The following ZUP1 variants were observed in gnomAD, a reference collection of about 807,000 sequenced individuals.
ZUP1 encodes zinc finger-containing ubiquitin peptidase 1.
ZUP1 carries 55 observed loss-of-function variants against 68.1 expected under a neutral mutation model. The ratio of observed to expected loss-of-function variants is 0.81; its 90% CI spans 0.65 to 1.01. The LOEUF (loss-of-function observed/expected upper bound fraction) is 1.01. ZUP1 is among the 50% of genes least tolerant of loss of function. ZUP1 has a pLI of 0.00. For synonymous variants in ZUP1, 223 were observed against 221.5 expected (o/e 1.01, Z -0.06); for missense variants, 684 against 674.9 (o/e 1.01, Z -0.15).
chr6:116,668,110 G>C (rs1055892043), intron 1 of ZUP1, among the ~76,000 whole-genome samples: 1 of 152,174 alleles, frequency 6.6e-6, no homozygotes, highest in Admixed American at 6.5e-5. Context: ...AACAGGAAAA[G>C]TAATGACACT....
In ZUP1 at chr6:116,666,909, C is replaced by A. The variant is rs1777027796; in HGVS notation, c.284G>T (p.Cys95Phe). The A allele has an allele frequency of 1.2e-6, 2 of 1,612,080 alleles. No homozygotes were observed. The highest frequency in any genetic ancestry group is 1.7e-6 in the Non-Finnish European group (2 of 1,179,462). ...MEVNSSILSG[C>F]ASNHPKNSAQ... is the part of the protein sequence containing the mutation. ...TGAATTTTTTGGATGATTAGATGCA[C>A]AACCTGAAAGAATACTTGAATTAAC... The change falls in exon 2 of 10, where the codon TGT (cysteine) becomes TTT (phenylalanine). Residue 95 changes from cysteine to phenylalanine, a missense_variant. Transcript: ENST00000368576.
At chr6:116,661,992 G>C (rs1327109337) in intron 2 of ZUP1, among the ~76,000 whole-genome samples, 3 of 151,940 alleles carry the variant, frequency 2.0e-5, no homozygotes, top group African/African-American at 7.3e-5. Context: ...ATAAAGGAGG[G>C]AACTGAATCT....
chr6:116,654,023 T>C (rs1776590687), intron 5 of ZUP1, among the ~76,000 whole-genome samples: 1 of 152,012 alleles, frequency 6.6e-6, no homozygotes, highest in Admixed American at 6.6e-5. Flanking sequence ...ACTCTTTAAA[T>C]GATAGCTGCT....
intron 9 of ZUP1, among the ~76,000 whole-genome samples, chr6:116,638,147 A>C: frequency 6.6e-6 from 1 of 152,116 alleles, no homozygotes; most frequent in Non-Finnish European, 1.5e-5. Context: ...TTATTTCAAA[A>C]ACTTACAGTC....
At chr6:116,667,822 A>C (rs1006213005) in intron 1 of ZUP1, among the ~76,000 whole-genome samples, 1 of 152,184 alleles carries the variant, frequency 6.6e-6, no homozygotes, top group African/African-American at 2.4e-5. Context: ...CCAAGAATAA[A>C]AGCAGAAGTG....
chr6:116,656,892 C>T (rs776155142), intron 4 of ZUP1, 40 bp from the exon 5 acceptor site: 15 of 1,362,752 alleles, frequency 1.1e-5, no homozygotes, highest in Non-Finnish European at 1.2e-5. Context: ...TTTTACATCC[C>T]TGTAACTCTA....
rs778561259 is a variant in ZUP1 at position 116,656,669 on chromosome 6, T to C, written c.961+15A>G. ...AGCAATATTAAAACAATGACTCTGA[T>C]GTTTAAATACTCACCGGAAGTTTTT... On this transcript the variant is annotated intron_variant, in intron 5 of 9. Transcript: ENST00000368576. 1.3e-6 allele frequency: 2 copies of C among 1,596,142 alleles called. No homozygotes were observed. The highest frequency in any genetic ancestry group is 1.7e-6 in the Non-Finnish European group (2 of 1,173,236).
chr6:116,644,148 C>G (rs1227670495), intron 9 of ZUP1, among the ~76,000 whole-genome samples: 1 of 152,188 alleles, frequency 6.6e-6, no homozygotes, highest in Admixed American at 6.5e-5. Flanking sequence ...GATACCATCT[C>G]ACACCAGTTA....
intron 9 of ZUP1, among the ~76,000 whole-genome samples, chr6:116,642,981 C>G (rs1776167800): frequency 6.6e-6 from 1 of 152,200 alleles, no homozygotes; most frequent in Non-Finnish European, 1.5e-5. Context: ...TAAGCAACTT[C>G]AGCAAAGTCT....
intron 9 of ZUP1, among the ~76,000 whole-genome samples, chr6:116,640,292 A>G (rs909298383): frequency 1.8e-4 from 28 of 152,234 alleles, no homozygotes. Flanking sequence ...GAACTTCCCC[A>G]ATCTAGCAAG....
Position 116,650,890 on chromosome 6 carries a change from G to T in ZUP1, c.1316+682C>A, listed in dbSNP as rs1460336280. Among the ~76,000 whole-genome samples the T allele has an allele frequency of 2.0e-5, 3 of 151,346 alleles. No individual in the cohort carries two copies. In the East Asian group the frequency reaches 5.8e-4, roughly 29 times the overall value. ...AATAACTTCCACAGAAAATAAATAG[G>T]TTATACATTTTAAAAATGAGACTAC... On this transcript the variant is annotated intron_variant, in intron 7 of 9. Transcript: ENST00000368576.
chr6:116,637,723 T>C (rs1223721133), intron 9 of ZUP1, among the ~76,000 whole-genome samples: 2 of 152,180 alleles, frequency 1.3e-5, no homozygotes, highest in African/African-American at 2.4e-5. Flanking sequence ...TTTACAATAA[T>C]TGAAACAAAC....
At chr6:116,656,582 G>A in intron 5 of ZUP1, 102 bp downstream of exon 5, 1 of 879,922 alleles carries the variant, frequency 1.1e-6, no homozygotes, top group Non-Finnish European at 1.7e-6. Context: ...AAAAATATTT[G>A]TGCACAGATT....
intron 9 of ZUP1, among the ~76,000 whole-genome samples, chr6:116,642,367 T>A (rs200660926): frequency 6.6e-6 from 1 of 151,242 alleles, no homozygotes; most frequent in Non-Finnish European, 1.5e-5. Flanking sequence ...ACCAAAGCCT[T>A]GCAGAGACAC....
intron 2 of ZUP1, among the ~76,000 whole-genome samples, chr6:116,662,627 C>T (rs927964675): frequency 1.3e-5 from 2 of 152,196 alleles, no homozygotes; most frequent in African/African-American, 4.8e-5. Context: ...CATCGGTCAT[C>T]AGTCAGCTTC....
chr6:116,641,533 A>T lies in ZUP1; in HGVS notation c.1689+4181T>A, dbSNP rs1367309578. On this transcript the variant is annotated intron_variant, in intron 9 of 9. Coordinates refer to ENST00000368576, the MANE Select transcript of ZUP1 (RefSeq NM_145062.3). ...GCAAACTAGAACTCAGGATTAAGAA[A>T]CTCACTCAAAACCACTCAACTACAT... Among the ~76,000 whole-genome samples the T allele has an allele frequency of 3.3e-5, 5 of 152,070 alleles. No homozygotes were observed. The South Asian group carries it at 1.0e-3, about 32-fold the overall frequency.
At chr6:116,636,015 A>G (rs1056576131) in intron 9 of ZUP1, 136 bp from the exon 10 acceptor site, 1 of 520,604 alleles carries the variant, frequency 1.9e-6, no homozygotes, top group Non-Finnish European at 3.1e-6. Flanking sequence ...GAAAAATTGC[A>G]ATCTCAAACT....
At chr6:116,643,502 G>A (rs1159619063) in intron 9 of ZUP1, among the ~76,000 whole-genome samples, 2 of 152,138 alleles carry the variant, frequency 1.3e-5, no homozygotes, top group Non-Finnish European at 2.9e-5. Context: ...ATAGATCAAT[G>A]GAACAGATCA....
chr6:116,644,390 G>T, intron 9 of ZUP1, among the ~76,000 whole-genome samples: 1 of 152,012 alleles, frequency 6.6e-6, no homozygotes, highest in Middle Eastern at 3.4e-3. Flanking sequence ...ACATGCACAC[G>T]TATGTTTATT....
Sources: gnomAD v4.1 joint callset for allele counts (sites outside exome capture counted in the v4.1 genomes callset) on GRCh38, gnomAD v4.1.1 for gene constraint, MANE v1.5 for transcripts, NCBI Gene and HGNC (gene_info 2026-07-23, HGNC 2026-07-21) for gene names.